The following LRP1 variants were observed in gnomAD, a reference collection of about 807,000 sequenced individuals.
LRP1 encodes the protein LDL receptor related protein 1.
Under a neutral mutation model 541.5 loss-of-function variants are expected in LRP1, and 51 were observed. The observed-to-expected ratio is 0.09, with a 90% confidence interval of 0.08 to 0.12. LRP1 has a LOEUF of 0.12. Among genes scored for constraint, LRP1 ranks in the 10% least tolerant of loss-of-function variants. LRP1 has a pLI of 1.00. For missense variants in LRP1, 3,878 were observed against 6,376.2 expected, an observed-to-expected ratio of 0.61 and a Z score of 13.34; for synonymous variants, 2,219 against 2,470.8, an observed-to-expected ratio of 0.90 and a Z score of 3.02.
At position 57,158,679 on chromosome 12, in the gene LRP1, G is replaced by C. The variant is rs2035670821; in HGVS notation, c.1798+41G>C. On this transcript the variant is annotated intron_variant, in intron 11 of 88. Transcript: ENST00000243077. The surrounding 1 kb of genome is among the most constrained non-coding windows in gnomAD (Gnocchi z 5.3). ...GATGTGGCCCATGGGGATGGAAGGG[G>C]GCTGGGGCCCAGGCATCTGTTTCTC... The C allele has an allele frequency of 5.1e-6, 8 of 1,578,328 alleles. No individual in the cohort carries two copies. The East Asian group carries it at 1.6e-4, about 31-fold the overall frequency.
At chr12:57,192,108 AC>A (rs2036424216) in intron 44 of LRP1, among the ~76,000 whole-genome samples, 1 of 149,192 alleles carries the variant, frequency 6.7e-6, no homozygotes, top group African/African-American at 2.5e-5. Context: ...CCACACACAC[AC>A]ACACACATCT....
chr12:57,184,322 A>G lies in LRP1; in HGVS notation c.6060-4A>G, dbSNP rs368827914. On this transcript the variant is annotated splice_region_variant and splice_polypyrimidine_tract_variant and intron_variant, in intron 37 of 88. Transcript: ENST00000243077. The surrounding 1 kb of genome is among the most constrained non-coding windows in gnomAD (Gnocchi z 7.8). Reference sequence around the variant, plus strand: ...TGACCCCCACTTCCACCCCCACCCTACAGGTACTTGTTCTGGACTGAGTGG... The same window carrying G: ...TGACCCCCACTTCCACCCCCACCCTGCAGGTACTTGTTCTGGACTGAGTGG... The G allele has an allele frequency of 6.2e-7, 1 of 1,614,120 alleles. No homozygotes were observed. Among genetic ancestry groups the G allele is most frequent in the African/African-American group, 1.3e-5 (1 of 75,000 alleles).
intron 1 of LRP1, among the ~76,000 whole-genome samples, chr12:57,131,549 G>A (rs930993613): frequency 2.0e-5 from 3 of 152,160 alleles, no homozygotes; most frequent in African/African-American, 7.2e-5. Flanking sequence ...AGTGAGTTAT[G>A]AAGCTGGGGT....
In LRP1 at chr12:57,158,503, A is replaced by C. The variant is rs938617348; in HGVS notation, c.1663A>C (p.Ile555Leu). ...AKVPDEHMIP[I>L]ENLMNPRALD... ...GGTCCCGGATGAGCACATGATCCCCATTGAAAACCTCATGAACCCCCGAGC... is the reference window on the plus strand; with the variant it reads ...GGTCCCGGATGAGCACATGATCCCCCTTGAAAACCTCATGAACCCCCGAGC... Residue 555 changes from isoleucine (I) to leucine (L), a missense_variant, in exon 11 of 89, where the codon ATT (isoleucine) becomes CTT (leucine). By Grantham distance (5) the Ile-to-Leu change is conservative. This residue lies in a region of LRP1 where 496 missense variants were observed against 861.0 expected (regional missense o/e 0.58). Coordinates refer to ENST00000243077, the MANE Select transcript of LRP1 (RefSeq NM_002332.3). The surrounding 1 kb of genome is among the most constrained non-coding windows in gnomAD (Gnocchi z 5.3). 1 of 1,614,186 alleles carries C rather than the reference A, an allele frequency of 6.2e-7. No individual in the cohort carries two copies. Among genetic ancestry groups the C allele is most frequent in the Non-Finnish European group, 8.5e-7 (1 of 1,180,022 alleles).
intron 17 of LRP1, 78 bp from the exon 18 acceptor site, chr12:57,166,852 G>A: frequency 2.6e-6 from 2 of 781,540 alleles, no homozygotes; most frequent in Non-Finnish European, 4.5e-6. Flanking sequence ...GACACCAAAG[G>A]CAGAGAATAA....
chr12:57,185,811 T>G lies in LRP1; in HGVS notation c.6744T>G (p.Ser2248=). 6.2e-7 allele frequency: 1 copy of G among 1,614,168 alleles called. No homozygotes were observed. Among genetic ancestry groups the G allele is most frequent in the Non-Finnish European group, 8.5e-7 (1 of 1,180,032 alleles). Residue 2248 remains serine (S), a synonymous_variant, in exon 41 of 89, where the codon TCT becomes TCG. Transcript: ENST00000243077. This position sits in a 1 kb window ranked among gnomAD's most constrained non-coding sequence, Gnocchi z 4.9. ...CCTTTGACTACCGGGCAGGCACCTCTCCGGGCACCCCCAATCGCATCTTCT... is the reference window on the plus strand; with the variant it reads ...CCTTTGACTACCGGGCAGGCACCTCGCCGGGCACCCCCAATCGCATCTTCT... ...ALAFDYRAGT[S]PGTPNRIFFS...
At chr12:57,144,215 G>T (rs1565715771) in intron 4 of LRP1, among the ~76,000 whole-genome samples, 1 of 152,146 alleles carries the variant, frequency 6.6e-6, no homozygotes, top group Non-Finnish European at 1.5e-5. Flanking sequence ...TACTGCTCAA[G>T]AGTACTGCGT....
In LRP1 at chr12:57,162,270, C is replaced by T. The variant is rs1227681557; in HGVS notation, c.2203-47C>T. On this transcript the variant is annotated intron_variant, in intron 13 of 88. Coordinates refer to ENST00000243077, the MANE Select transcript of LRP1 (RefSeq NM_002332.3). This position sits in a 1 kb window ranked among gnomAD's most constrained non-coding sequence, Gnocchi z 5.2. Reference sequence around the variant, plus strand: ...TACAAAACAGTGATCTCACAGGCCTCCCTCAATTTTCTTCCAACTCCTTAG... The same window carrying T: ...TACAAAACAGTGATCTCACAGGCCTTCCTCAATTTTCTTCCAACTCCTTAG... 3.4e-6 allele frequency: 5 copies of T among 1,481,250 alleles called. No individual in the cohort carries two copies. The highest frequency in any genetic ancestry group is 2.8e-6 in the Non-Finnish European group (3 of 1,060,050). The allele number at this position is 1,481,250 out of a possible 1,614,324, so 91.8% of individuals were successfully genotyped here.
intron 44 of LRP1, 28 bp from the exon 45 acceptor site, chr12:57,192,817 G>C: frequency 6.2e-7 from 1 of 1,613,840 alleles, no homozygotes; most frequent in Non-Finnish European, 8.5e-7. Context: ...ACACTCTCCA[G>C]CCCTGCGCCC....
Position 57,208,108 on chromosome 12 carries a change from C to G in LRP1, c.11930C>G (p.Ser3977Trp). Residue 3977 changes from serine to tryptophan, a missense_variant, in exon 77 of 89, where the codon TCG (serine) becomes TGG (tryptophan). Around this residue, in one of 13 missense-constraint regions of LRP1, gnomAD observed 871 missense variants for 1,212.4 expected, o/e 0.72. Transcript: ENST00000243077. ...WVAGNVYWTD[S>W]GRDVIEVAQM... ...GCCGGAAACGTGTACTGGACCGACTCGGGCCGAGATGTGATTGAGGTGGCG... is the reference window on the plus strand; with the variant it reads ...GCCGGAAACGTGTACTGGACCGACTGGGGCCGAGATGTGATTGAGGTGGCG... 1.2e-6 allele frequency: 2 copies of G among 1,614,188 alleles called. No individual in the cohort carries two copies. Among genetic ancestry groups the G allele is most frequent in the Non-Finnish European group, 1.7e-6 (2 of 1,180,030 alleles).
chr12:57,150,925 G>C (rs1235273883), intron 6 of LRP1, among the ~76,000 whole-genome samples: 1 of 151,912 alleles, frequency 6.6e-6, no homozygotes, highest in Admixed American at 6.6e-5. Flanking sequence ...AGGTGGGGAG[G>C]TTCCTGGAAC....
chr12:57,212,466 G>A lies in LRP1; in HGVS notation c.13546G>A (p.Gly4516Ser), dbSNP rs762419267. Residue 4516 changes from glycine to serine, a missense_variant, in exon 89 of 89, where the codon GGC becomes AGC. Coordinates refer to ENST00000243077, the MANE Select transcript of LRP1 (RefSeq NM_002332.3). The surrounding 1 kb of genome is among the most constrained non-coding windows in gnomAD (Gnocchi z 5.0). ...TGCCACACTCTACATGGGGGGCCAT[G>A]GCAGTCGCCACTCCCTGGCCAGCAC... is the stretch of plus-strand genomic sequence containing the variant. ...VYATLYMGGH[G>S]SRHSLASTDE... 6.2e-7 allele frequency: 1 copy of A among 1,614,130 alleles called. No individual in the cohort carries two copies. The highest frequency in any genetic ancestry group is 8.5e-7 in the Non-Finnish European group (1 of 1,180,012).
In LRP1 at chr12:57,209,821, G is replaced by A; in HGVS notation, c.12392G>A (p.Ser4131Asn). The change falls in exon 80 of 89, where the codon AGC (serine) becomes AAC (asparagine). Residue 4131 changes from serine (S) to asparagine (N), a missense_variant. Ser to Asn is a conservative substitution (Grantham distance 46). Coordinates refer to ENST00000243077, the MANE Select transcript of LRP1 (RefSeq NM_002332.3). ...SPLVNLTGGL[S>N]HASDVVLYHQ... Reference sequence around the variant, plus strand: ...TTGGTCAACCTGACAGGGGGCCTGAGCCACGCCTCTGACGTGGTCCTTTAC... The same window carrying A: ...TTGGTCAACCTGACAGGGGGCCTGAACCACGCCTCTGACGTGGTCCTTTAC... The A allele has an allele frequency of 6.2e-7, 1 of 1,614,200 alleles. No homozygotes were observed. Among genetic ancestry groups the A allele is most frequent in the Non-Finnish European group, 8.5e-7 (1 of 1,180,034 alleles).
chr12:57,180,533 A>G, intron 32 of LRP1, 54 bp downstream of exon 32: 1 of 1,608,882 alleles, frequency 6.2e-7, no homozygotes, highest in Non-Finnish European at 8.5e-7. Flanking sequence ...GGCCAGACCT[A>G]CTGGGAGACA....
At position 57,145,445 on chromosome 12, in the gene LRP1, G is replaced by A. The variant is rs2035385138; in HGVS notation, c.796G>A (p.Gly266Ser). 3.1e-6 allele frequency: 5 copies of A among 1,613,984 alleles called. No homozygotes were observed. The highest frequency in any genetic ancestry group is 4.2e-6 in the Non-Finnish European group (5 of 1,180,044). ...LKCARMPGLK[G>S]FVDEHTINIS... ...GTGTGCCCGCATGCCTGGCCTAAAG[G>A]GCTTCGTGGATGAGCACACCATCAA... Residue 266 changes from glycine to serine, a missense_variant, in exon 6 of 89, where the codon GGC becomes AGC. Coordinates refer to ENST00000243077, the MANE Select transcript of LRP1 (RefSeq NM_002332.3).
In LRP1 at chr12:57,212,154, G is replaced by T. The variant is rs1253730895; in HGVS notation, c.13387G>T (p.Ala4463Ser). The stretch of plus-strand genomic sequence containing the variant: ...CCAGCACCAACGGATGACCAACGGG[G>T]CCATGAACGTGGAGATTGGAAACCC... ...GFQHQRMTNG[A>S]MNVEIGNPTY... Residue 4463 changes from alanine to serine, a missense_variant, in exon 88 of 89, where the codon GCC (alanine) becomes TCC (serine). Coordinates refer to ENST00000243077, the MANE Select transcript of LRP1 (RefSeq NM_002332.3). The surrounding 1 kb of genome is among the most constrained non-coding windows in gnomAD (Gnocchi z 5.0). 6.2e-7 allele frequency: 1 copy of T among 1,614,010 alleles called. No homozygotes were observed. The highest frequency in any genetic ancestry group is 8.5e-7 in the Non-Finnish European group (1 of 1,180,006).
chr12:57,143,683 C>T lies in LRP1; in HGVS notation c.333C>T (p.Leu111=). The change falls in exon 4 of 89, where the codon CTC becomes CTT. Residue 111 remains leucine (L), a synonymous_variant. Coordinates refer to ENST00000243077, the MANE Select transcript of LRP1 (RefSeq NM_002332.3). The part of the protein sequence containing the change: ...GSDEGPHCRE[L]QGNCSRLGCQ... ...GTCTCTCCTGCCCCCACACAGAGCT[C>T]CAAGGCAACTGCTCTCGCCTGGGCT... 1 of 1,613,404 alleles carries T rather than the reference C, an allele frequency of 6.2e-7. No homozygotes were observed. The highest frequency in any genetic ancestry group is 8.5e-7 in the Non-Finnish European group (1 of 1,179,470).
intron 55 of LRP1, among the ~76,000 whole-genome samples, chr12:57,196,607 G>A (rs537911444): frequency 6.6e-6 from 1 of 152,270 alleles, no homozygotes; most frequent in Admixed American, 6.5e-5. Flanking sequence ...TGTGAGCCTG[G>A]ATATGATTCC....
At position 57,179,782 on chromosome 12, in the gene LRP1, A is replaced by C. The variant is rs776000762; in HGVS notation, c.4967A>C (p.Asp1656Ala). 1 of 1,613,552 alleles carries C rather than the reference A, an allele frequency of 6.2e-7. No homozygotes were observed. Among genetic ancestry groups the C allele is most frequent in the Non-Finnish European group, 8.5e-7 (1 of 1,179,770 alleles). ...GTGVETVVSA[D>A]LPNAHGLAVD... ...ACTGACTCCCTACTTGTGCCCCCAG[A>C]CTTGCCAAATGCCCACGGGCTGGCT... is the stretch of plus-strand genomic sequence containing the variant. The change falls in exon 30 of 89, where the codon GAC (aspartate) becomes GCC (alanine). Residue 1656 changes from aspartate to alanine, a missense_variant and splice_region_variant. Physicochemically the swap from Asp to Ala is moderately radical, Grantham distance 126 (BLOSUM62 -2). Transcript: ENST00000243077. The surrounding 1 kb of genome is among the most constrained non-coding windows in gnomAD (Gnocchi z 6.8).
Sources: gnomAD v4.1 joint callset for allele counts (sites outside exome capture counted in the v4.1 genomes callset) on GRCh38, gnomAD v4.1.1 for gene constraint, gnomAD v4.1.1 regional missense constraint, Gnocchi (gnomAD v3.1) non-coding constraint, MANE v1.5 for transcripts, NCBI Gene and HGNC (gene_info 2026-07-23, HGNC 2026-07-21) for gene names.